Variants in ZNF607 observed in about 807,000 individuals in gnomAD.
The protein encoded by ZNF607 is zinc finger protein 607.
In ZNF607, 5 loss-of-function variants were observed where a neutral mutation model predicts 12.8. The observed-to-expected ratio is 0.39, with a 90% confidence interval of 0.20 to 0.82. ZNF607 has a LOEUF of 0.82. Ranked by LOEUF, ZNF607 falls within the 40% of genes least tolerant of loss-of-function variation. The probability of loss-of-function intolerance (pLI) is 0.39; values close to 1 mark genes in which losing one functional copy is unlikely to be tolerated. For missense variants in ZNF607, 851 were observed against 859.2 expected (o/e 0.99, Z 0.12); for synonymous variants, 287 against 276.2 (o/e 1.04, Z -0.39).
chr19:37,696,691 T>C lies in ZNF607; in HGVS notation c.*1349A>G, dbSNP rs1310676001. On this transcript the variant is annotated 3_prime_UTR_variant, in exon 5 of 5. Coordinates refer to ENST00000355202, the MANE Select transcript of ZNF607 (RefSeq NM_032689.5). ...GATGTTCCGAGAGCATGAGAGCTGG[T>C]ATGCAATGTCTTCTGCAGCTTCCAG... is the stretch of plus-strand genomic sequence containing the variant. 4 of 738,398 alleles carry C rather than the reference T, an allele frequency of 5.4e-6. No individual in the cohort carries two copies. In the East Asian group the frequency reaches 1.1e-4, roughly 20 times the overall value. The allele number at this position is 738,398 out of a possible 1,614,324, so 45.7% of individuals were successfully genotyped here.
chr19:37,705,717 T>TGTTA lies in ZNF607; in HGVS notation c.235+2196_235+2197insTAAC, dbSNP rs2045076762. ...AAAAAAAAAAAAAAACTTAGATGCA[T>TGTTA]GTTCAACTTCCAAGAAAAATACAAA... On this transcript the variant is annotated intron_variant, in intron 4 of 4. Coordinates refer to ENST00000355202, the MANE Select transcript of ZNF607 (RefSeq NM_032689.5). 4.1e-5 allele frequency among the ~76,000 whole-genome samples: 6 copies of TGTTA among 147,766 alleles called. No homozygotes were observed. The South Asian group carries it at 1.3e-3, about 31-fold the overall frequency.
rs1157253681 is a variant in ZNF607 at position 37,699,482 on chromosome 19, T to C, written c.649A>G (p.Arg217Gly). ...TAGGGTTTCTCACCATAATGAAATC[T>C]ATGATGTACAGTAAGTTGACGGCTA... ...RTSRQLTVHH[R>G]FHYGEKPYEC... Residue 217 changes from arginine (R) to glycine (G), a missense_variant, in exon 5 of 5, where the codon AGA becomes GGA. By Grantham distance (125) the Arg-to-Gly change is moderately radical (BLOSUM62 -2). Coordinates refer to ENST00000355202, the MANE Select transcript of ZNF607 (RefSeq NM_032689.5). 1.2e-6 allele frequency: 2 copies of C among 1,613,918 alleles called. No individual in the cohort carries two copies. Among genetic ancestry groups the C allele is most frequent in the Non-Finnish European group, 1.7e-6 (2 of 1,179,866 alleles).
chr19:37,714,407 TA>T (rs1568408064), intron 1 of ZNF607, among the ~76,000 whole-genome samples: 2 of 137,652 alleles, frequency 1.5e-5, no homozygotes, highest in Non-Finnish European at 3.2e-5. Context: ...AAAATAATTT[TA>T]AAAAAAATTA....
chr19:37,698,209 T>A lies in ZNF607; in HGVS notation c.1922A>T (p.Asp641Val). 18 of 1,614,156 alleles carry A rather than the reference T, an allele frequency of 1.1e-5. No homozygotes were observed. The highest frequency in any genetic ancestry group is 1.4e-5 in the Non-Finnish European group (16 of 1,180,036). Residue 641 changes from aspartate to valine, a missense_variant, in exon 5 of 5, where the codon GAT becomes GTT. Physicochemically the swap from Asp to Val is radical, Grantham distance 152 (BLOSUM62 -3). Transcript: ENST00000355202. ...CTCTTCACACATATAGGGATTTCCA[T>A]CAGCATGAACGCTTTCATGTCTAAC... ...YLVRHESVHA[D>V]GNPYMCEECG...
intron 4 of ZNF607, among the ~76,000 whole-genome samples, chr19:37,706,916 C>T (rs959858882): frequency 2.6e-5 from 4 of 152,080 alleles, no homozygotes; most frequent in Admixed American, 6.5e-5. Context: ...ACCTCTGCCT[C>T]CAAGGCTCAA....
chr19:37,696,970 G>A lies in ZNF607; in HGVS notation c.*1070C>T. On this transcript the variant is annotated 3_prime_UTR_variant, in exon 5 of 5. Coordinates refer to ENST00000355202, the MANE Select transcript of ZNF607 (RefSeq NM_032689.5). ...TTGTTGCTCACCTGGCTGGAGACCA[G>A]CTCCCTCTGGGTGATTAGTTCTCCA... 1.4e-6 allele frequency: 1 copy of A among 698,906 alleles called. No homozygotes were observed. The allele number at this position is 698,906 out of a possible 1,614,324, so 43.3% of individuals were successfully genotyped here. A position where few individuals can be genotyped will look rare whatever the true frequency, so the allele number is the denominator to read the frequency against.
intron 2 of ZNF607, 68 bp downstream of exon 2, chr19:37,711,542 G>A: frequency 7.1e-6 from 11 of 1,540,256 alleles, no homozygotes; most frequent in Non-Finnish European, 8.1e-6. Flanking sequence ...CAGGAAAAAT[G>A]ATGAGAAGAC....
Position 37,716,440 on chromosome 19 carries a change from G to A in ZNF607, c.-75+2829C>T, listed in dbSNP as rs868825966. On this transcript the variant is annotated intron_variant, in intron 1 of 4. Transcript: ENST00000355202. The stretch of plus-strand genomic sequence containing the variant: ...TTTTGTAATGTGGCTTTTAGCATGA[G>A]TGACTTCATTTTGGTTTAGTCTGGT... Among the ~76,000 whole-genome samples the A allele has an allele frequency of 1.4e-4, 22 of 152,330 alleles. No individual in the cohort carries two copies. The South Asian group carries it at 1.5e-3, about 10-fold the overall frequency.
rs572852431 is a variant in ZNF607, at chr19:37,698,831, C to T, written c.1300G>A (p.Ala434Thr). ...KECGKAFSQRAHLAHHNRIHT... is the reference protein window; with the variant it reads ...KECGKAFSQRTHLAHHNRIHT... ...ATTCTGTTATGATGGGCAAGGTGTGCACGCTGACTGAAGGCCTTCCCACAT... is the reference window on the plus strand; with the variant it reads ...ATTCTGTTATGATGGGCAAGGTGTGTACGCTGACTGAAGGCCTTCCCACAT... Residue 434 changes from alanine to threonine, a missense_variant, in exon 5 of 5, where the codon GCA (alanine) becomes ACA (threonine). Ala to Thr is a moderately conservative substitution (Grantham distance 58). Transcript: ENST00000355202. 5 of 1,613,620 alleles carry T rather than the reference C, an allele frequency of 3.1e-6. 1 individual carries two copies. In the South Asian group the frequency reaches 5.5e-5, roughly 18 times the overall value.
chr19:37,711,555 A>C, intron 2 of ZNF607, 55 bp downstream of exon 2: 1 of 1,595,140 alleles, frequency 6.3e-7, no homozygotes. Flanking sequence ...GAGAAGACAT[A>C]CATGACCTAA....
intron 1 of ZNF607, among the ~76,000 whole-genome samples, chr19:37,715,603 TAAA>T (rs767020720): frequency 7.7e-5 from 10 of 129,146 alleles, no homozygotes; most frequent in African/African-American, 2.0e-4. Context: ...AAACTCCATC[TAAA>T]AAAAAAAAAA....
chr19:37,705,860 T>G (rs1446972349), intron 4 of ZNF607, among the ~76,000 whole-genome samples: 3 of 152,020 alleles, frequency 2.0e-5, no homozygotes. Context: ...TTCTCTCTCT[T>G]TTGTTCTCAT....
chr19:37,714,349 G>A (rs965789647), intron 1 of ZNF607, among the ~76,000 whole-genome samples: 4,031 of 78,480 alleles, frequency 0.051, 170 homozygotes, highest in African/African-American at 0.14. Context: ...AACAGCAGCA[G>A]CAGCAGCAGC....
At chr19:37,711,258 A>G (rs766522918) in intron 2 of ZNF607, among the ~76,000 whole-genome samples, 15 of 152,206 alleles carry the variant, frequency 9.9e-5, no homozygotes, top group Non-Finnish European at 1.5e-4. Flanking sequence ...TGGATGGTCA[A>G]ATGGAACTGT....
In ZNF607 at chr19:37,698,696, A is replaced by G. The variant is rs764389990; in HGVS notation, c.1435T>C (p.Cys479Arg). The change falls in exon 5 of 5, where the codon TGT (cysteine) becomes CGT (arginine). Residue 479 changes from cysteine (C) to arginine (R), a missense_variant. Transcript: ENST00000355202. The stretch of plus-strand genomic sequence containing the variant: ...CTAAAACCCTTCCCACACTCTTGAC[A>G]TACATAGGGTTTCTCTCCTGTATGA... ...RIHTGEKPYV[C>R]QECGKGFSYS... 5 of 1,613,236 alleles carry G rather than the reference A, an allele frequency of 3.1e-6. No homozygotes were observed. The Admixed American group carries it at 5.0e-5, about 16-fold the overall frequency.
chr19:37,711,771 C>A, intron 1 of ZNF607, 79 bp from the exon 2 acceptor site: 1 of 655,388 alleles, frequency 1.5e-6, no homozygotes, highest in African/African-American at 1.8e-5. Flanking sequence ...CTGTTTTCCT[C>A]TTCCATTCCA....
Position 37,697,170 on chromosome 19 carries a change from A to G in ZNF607, c.*870T>C. The G allele has an allele frequency of 1.4e-6, 1 of 739,270 alleles. No homozygotes were observed. The highest frequency in any genetic ancestry group is 2.5e-6 in the Non-Finnish European group (1 of 395,508). The allele number at this position is 739,270 out of a possible 1,614,324, so 45.8% of individuals were successfully genotyped here. ...CTGTAAATCTTTGCTACCAGTGATG[A>G]CTGGCGCACTACGTGGTTGAGAACA... is the stretch of plus-strand genomic sequence containing the variant. On this transcript the variant is annotated 3_prime_UTR_variant, in exon 5 of 5. Transcript: ENST00000355202.
intron 1 of ZNF607, among the ~76,000 whole-genome samples, chr19:37,717,831 GA>G (rs1231382875): frequency 2.8e-5 from 3 of 107,864 alleles, no homozygotes; most frequent in Non-Finnish European, 4.1e-5. Context: ...AAAAAAAAAA[GA>G]AAGAAAAAGA....
chr19:37,711,672 CAA>C lies in ZNF607; in HGVS notation c.-56_-55del. 1 of 1,600,596 alleles carries C rather than the reference CAA, an allele frequency of 6.2e-7. No homozygotes were observed. Among genetic ancestry groups the C allele is most frequent in the Non-Finnish European group, 8.6e-7 (1 of 1,168,248 alleles). On this transcript the variant is annotated 5_prime_UTR_variant, in exon 2 of 5. Transcript: ENST00000355202. ...CCTTGGCGTTTCTCTACCAGAAGAG[CAA>C]AGTCAAAAGAACCAAGACCTGAAAG...
Sources: allele counts gnomAD v4.1 joint callset (sites outside exome capture counted in the v4.1 genomes callset), GRCh38; gene constraint gnomAD v4.1.1; transcripts MANE v1.5; gene names NCBI Gene and HGNC (gene_info 2026-07-23, HGNC 2026-07-21).